The following ACOXL variants were observed in gnomAD, a reference collection of about 807,000 sequenced individuals.
The protein encoded by ACOXL is acyl-coenzyme A oxidase-like protein.
In ACOXL, 70 loss-of-function variants were observed where a neutral mutation model predicts 71.9. That is an observed-to-expected ratio of 0.97 (90% CI 0.80 to 1.19). The LOEUF is 1.19. Among genes scored for constraint, ACOXL ranks in the 50% most tolerant of loss-of-function variants. The pLI is 0.00. For synonymous variants in ACOXL, 253 were observed against 281.6 expected (o/e 0.90, Z 1.02); for missense variants, 703 against 736.3 (o/e 0.95, Z 0.52).
intron 17 of ACOXL, chr2:111,093,497 GA>G (rs1437814859): frequency 6.2e-7 from 1 of 1,614,072 alleles, no homozygotes; most frequent in Non-Finnish European, 8.5e-7. Flanking sequence ...GAGAGATGCT[GA>G]AACACAAACA....
At chr2:111,105,141 G>A (rs2069447023) in intron 17 of ACOXL, among the ~76,000 whole-genome samples, 2 of 151,890 alleles carry the variant, frequency 1.3e-5, no homozygotes, top group East Asian at 1.9e-4. Flanking sequence ...AAATTAGTTG[G>A]TCGTATTTGT....
intron 1 of ACOXL, among the ~76,000 whole-genome samples, chr2:110,751,238 T>A (rs1678916205): frequency 2.0e-5 from 3 of 150,282 alleles, no homozygotes; most frequent in South Asian, 4.2e-4. Flanking sequence ...GAGGCGGAGC[T>A]TGCAGTGAGC....
chr2:111,021,605 C>T (rs1460241286), intron 14 of ACOXL, among the ~76,000 whole-genome samples: 1 of 152,124 alleles, frequency 6.6e-6, no homozygotes, highest in East Asian at 1.9e-4. Flanking sequence ...AGAAAGAGGG[C>T]ATCTCAGAGC....
chr2:110,832,023 T>C (rs1689890368), intron 9 of ACOXL, among the ~76,000 whole-genome samples: 2 of 152,006 alleles, frequency 1.3e-5, no homozygotes, highest in Non-Finnish European at 2.9e-5. Context: ...ACCTCCTGTC[T>C]AAATAAATAA....
chr2:110,937,762 A>T (rs116111739), intron 12 of ACOXL, among the ~76,000 whole-genome samples: 1,845 of 152,216 alleles, frequency 0.012, 16 homozygotes, highest in Middle Eastern at 0.051. Context: ...ATATTTCAAC[A>T]CACATTTACT....
In ACOXL at chr2:111,067,510, G is replaced by GA. The variant is rs1286747557; in HGVS notation, c.1440+18225dup. On this transcript the variant is annotated intron_variant, in intron 16 of 17. Transcript: ENST00000439055. ...ATAAATGGGCAGATAATGAACTAGA[G>GA]AAATCACTGACTCGCTTAGTCAAGA... 1.1e-4 allele frequency among the ~76,000 whole-genome samples: 17 copies of GA among 152,240 alleles called. No individual in the cohort carries two copies. The East Asian group carries it at 2.1e-3, about 19-fold the overall frequency.
intron 11 of ACOXL, 104 bp from the exon 12 acceptor site, chr2:110,933,385 A>G (rs1025944858): frequency 2.2e-6 from 3 of 1,357,442 alleles, no homozygotes; most frequent in Non-Finnish European, 3.0e-6. Flanking sequence ...CTGACATCAT[A>G]TTCTTTCCTC....
At chr2:110,774,197 A>G (rs1682352053) in intron 2 of ACOXL, among the ~76,000 whole-genome samples, 1 of 152,176 alleles carries the variant, frequency 6.6e-6, no homozygotes, top group Admixed American at 6.5e-5. Flanking sequence ...GAGCACCTAC[A>G]GTGAGCCAGG....
At chr2:111,067,113 C>A (rs2067111525) in intron 16 of ACOXL, among the ~76,000 whole-genome samples, 1 of 151,946 alleles carries the variant, frequency 6.6e-6, no homozygotes, top group African/African-American at 2.4e-5. Flanking sequence ...ATAATGAAAA[C>A]CTCAGTAAAT....
chr2:111,029,854 T>A (rs1402354136), intron 14 of ACOXL, among the ~76,000 whole-genome samples: 1 of 152,094 alleles, frequency 6.6e-6, no homozygotes, highest in Non-Finnish European at 1.5e-5. Context: ...TTGAACTTGT[T>A]GTGGTTTTTT....
At chr2:110,799,677 C>T (rs1685720256) in intron 7 of ACOXL, among the ~76,000 whole-genome samples, 2 of 152,176 alleles carry the variant, frequency 1.3e-5, no homozygotes, top group Non-Finnish European at 2.9e-5. Flanking sequence ...CCAGAGGGGA[C>T]TTGGAGAACT....
chr2:110,797,296 C>T (rs1254248945), intron 5 of ACOXL, among the ~76,000 whole-genome samples: 1 of 152,138 alleles, frequency 6.6e-6, no homozygotes, highest in Admixed American at 6.5e-5. Flanking sequence ...AGCTGAAATC[C>T]TTGGACATAT....
chr2:110,765,680 G>A (rs1428400452), intron 1 of ACOXL, among the ~76,000 whole-genome samples: 2 of 152,160 alleles, frequency 1.3e-5, no homozygotes, highest in African/African-American at 4.8e-5. Context: ...GTGCCTTCTT[G>A]CTATGTTCTA....
rs926131603 is a variant in ACOXL at position 110,937,796 on chromosome 2, G to C, written c.1059+4154G>C. On this transcript the variant is annotated intron_variant, in intron 12 of 17. Transcript: ENST00000439055. Reference sequence around the variant, plus strand: ...CTGCCTTTGAAGCCAGTAATCCTGGGCATGATTTTGGGCCAGTTATTCCCA... The same window carrying C: ...CTGCCTTTGAAGCCAGTAATCCTGGCCATGATTTTGGGCCAGTTATTCCCA... Among the ~76,000 whole-genome samples the C allele has an allele frequency of 3.3e-5, 5 of 152,160 alleles. 1 individual carries two copies. The highest frequency in any genetic ancestry group is 1.2e-4 in the African/African-American group (5 of 41,432).
chr2:110,746,267 A>G (rs1451300635), intron 1 of ACOXL, among the ~76,000 whole-genome samples: 3 of 152,110 alleles, frequency 2.0e-5, no homozygotes, highest in South Asian at 2.1e-4. Flanking sequence ...TTTTTTTTCA[A>G]CAGTGTCTAT....
At chr2:110,879,061 A>AG (rs1450901918) in intron 10 of ACOXL, among the ~76,000 whole-genome samples, 5 of 152,026 alleles carry the variant, frequency 3.3e-5, no homozygotes, top group Admixed American at 6.6e-5. Flanking sequence ...CGTTAAAAAA[A>AG]AAAAAAAAGT....
At chr2:111,036,718 G>T (rs2065534531) in intron 15 of ACOXL, 1 of 152,274 alleles carries the variant, frequency 6.6e-6, no homozygotes, top group African/African-American at 2.4e-5. Context: ...TCTGATGCTT[G>T]AGGTCTGGAA....
At chr2:110,830,696 G>A (rs1689721967) in intron 9 of ACOXL, among the ~76,000 whole-genome samples, 1 of 152,000 alleles carries the variant, frequency 6.6e-6, no homozygotes, top group Non-Finnish European at 1.5e-5. Flanking sequence ...ACCACGCCTG[G>A]CTAAATTTTT....
chr2:110,793,142 G>A (rs1157340922), intron 3 of ACOXL, among the ~76,000 whole-genome samples: 2 of 152,194 alleles, frequency 1.3e-5, no homozygotes, highest in Non-Finnish European at 2.9e-5. Flanking sequence ...TCCTGCAGCC[G>A]GTGGGTAGCT....
Sources: allele counts gnomAD v4.1 joint callset (sites outside exome capture counted in the v4.1 genomes callset), GRCh38; gene constraint gnomAD v4.1.1; transcripts MANE v1.5; gene names NCBI Gene and HGNC (gene_info 2026-07-23, HGNC 2026-07-21).